The following CDK5 variants were observed in gnomAD, a reference collection of about 807,000 sequenced individuals.
The protein encoded by CDK5 is cyclin dependent kinase 5, also known as cyclin-dependent kinase 5.
Under a neutral mutation model 44.6 loss-of-function variants are expected in CDK5, and 18 were observed. The observed-to-expected ratio is 0.40, with a 90% CI of 0.28 to 0.60. The LOEUF is 0.60. Ranked by LOEUF, CDK5 falls within the 20% of genes least tolerant of loss-of-function variation. CDK5 has a pLI of 0.38. For missense variants in CDK5, 198 were observed against 368.1 expected (o/e 0.54, Z 3.78); for synonymous variants, 143 against 152.8 (o/e 0.94, Z 0.47).
rs1005454280 is a variant in CDK5 at position 151,056,063 on chromosome 7, A to G, written c.313-215T>C. 5.2e-6 allele frequency: 3 copies of G among 581,496 alleles called. No individual in the cohort carries two copies. Among genetic ancestry groups the G allele is most frequent in the Non-Finnish European group, 9.2e-6 (3 of 325,482 alleles). 36.0% of individuals were successfully genotyped at this position (581,496 alleles called of 1,614,324 possible). A position where few individuals can be genotyped will look rare whatever the true frequency, so the allele number is the denominator to read the frequency against. ...AGTAAAGAAGCTGGCTCTGGTCCCC[A>G]CCTTCCTGGACCATACAGCCTAATG... On this transcript the variant is annotated intron_variant, in intron 5 of 11. Coordinates refer to ENST00000485972, the MANE Select transcript of CDK5 (RefSeq NM_004935.4). The surrounding 1 kb of genome is among the most constrained non-coding windows in gnomAD (Gnocchi z 4.7).
chr7:151,055,291 C>A lies in CDK5; in HGVS notation c.566G>T (p.Gly189Val). 1 of 1,613,568 alleles carries A rather than the reference C, an allele frequency of 6.2e-7. No homozygotes were observed. The highest frequency in any genetic ancestry group is 8.5e-7 in the Non-Finnish European group (1 of 1,179,540). ...CAGCACATCACCTGCAAAGATGCAG[C>A]CGGCTGACCACATGTCGATGGACGT... ...YSTSIDMWSA[G>V]CIFAELANAG... Residue 189 changes from glycine to valine, a missense_variant, in exon 8 of 12, where the codon GGC (glycine) becomes GTC (valine). Physicochemically the swap from Gly to Val is moderately radical, Grantham distance 109 (BLOSUM62 -3). Around this residue, in one of 4 missense-constraint regions of CDK5, gnomAD observed 38 missense variants for 115.0 expected, o/e 0.33. Coordinates refer to ENST00000485972, the MANE Select transcript of CDK5 (RefSeq NM_004935.4).
chr7:151,056,507 G>A lies in CDK5; in HGVS notation c.312+73C>T. The A allele has an allele frequency of 7.2e-7, 1 of 1,383,908 alleles. No individual in the cohort carries two copies. The allele number at this position is 1,383,908 out of a possible 1,614,324, so 85.7% of individuals were successfully genotyped here. The stretch of plus-strand genomic sequence containing the variant: ...TCCCTGTTCAGGGCCCAAACTTAGA[G>A]CCCAAGGGGTGCTTACACCGAATGC... On this transcript the variant is annotated intron_variant, in intron 5 of 11. Transcript: ENST00000485972. This position sits in a 1 kb window ranked among gnomAD's most constrained non-coding sequence, Gnocchi z 4.7.
chr7:151,053,988 G>T lies in CDK5; in HGVS notation c.*21C>A. On this transcript the variant is annotated 3_prime_UTR_variant, in exon 12 of 12. Coordinates refer to ENST00000485972, the MANE Select transcript of CDK5 (RefSeq NM_004935.4). ...GCTTAAATAGGCCAGGCCCCAGCCT[G>T]GAGGCCGGGGGTCCCGGGGCCTAGG... is the stretch of plus-strand genomic sequence containing the variant. 6.4e-7 allele frequency: 1 copy of T among 1,563,920 alleles called. No individual in the cohort carries two copies. The highest frequency in any genetic ancestry group is 8.7e-7 in the Non-Finnish European group (1 of 1,153,362).
Position 151,054,923 on chromosome 7 carries a change from C to T in CDK5, c.650+104G>A. 1 of 1,142,234 alleles carries T rather than the reference C, an allele frequency of 8.8e-7. No individual in the cohort carries two copies. The highest frequency in any genetic ancestry group is 1.3e-5 in the South Asian group (1 of 76,612). 70.8% of individuals were successfully genotyped at this position (1,142,234 alleles called of 1,614,324 possible). On this transcript the variant is annotated intron_variant, in intron 9 of 11. Transcript: ENST00000485972. This position sits in a 1 kb window ranked among gnomAD's most constrained non-coding sequence, Gnocchi z 5.7. ...TTGCCCTCAGGAGAAGCCCTACAGA[C>T]CCCATCACCCTACCCCACACCATCA...
chr7:151,055,528 T>G lies in CDK5; in HGVS notation c.483+4A>C. ...CCAATCCCATATCCCATCTTCTAGC[T>G]CACCTCAGCTGAGTAACAGCGGACG... On this transcript the variant is annotated splice_donor_region_variant and intron_variant, in intron 7 of 11. Coordinates refer to ENST00000485972, the MANE Select transcript of CDK5 (RefSeq NM_004935.4). 2 of 1,613,400 alleles carry G rather than the reference T, an allele frequency of 1.2e-6. No homozygotes were observed. The highest frequency in any genetic ancestry group is 1.7e-6 in the Non-Finnish European group (2 of 1,179,576).
Position 151,057,464 on chromosome 7 carries a change from G to A in CDK5, c.38-304C>T, listed in dbSNP as rs1796923333. 3.4e-6 allele frequency: 2 copies of A among 589,516 alleles called. No homozygotes were observed. Among genetic ancestry groups the A allele is most frequent in the Admixed American group, 3.0e-5 (1 of 33,504 alleles). The allele number at this position is 589,516 out of a possible 1,614,324, so 36.5% of individuals were successfully genotyped here. ...GAGGAGGGGTCTGGGAGAGGACTGA[G>A]GGGCTGCAGAAATATTGAGGTTGGA... is the stretch of plus-strand genomic sequence containing the variant. On this transcript the variant is annotated intron_variant, in intron 1 of 11. Coordinates refer to ENST00000485972, the MANE Select transcript of CDK5 (RefSeq NM_004935.4). This position sits in a 1 kb window ranked among gnomAD's most constrained non-coding sequence, Gnocchi z 5.2.
rs1370854540 is a variant in CDK5 at position 151,057,894 on chromosome 7, T to C, written c.-46A>G. 4.5e-6 allele frequency: 7 copies of C among 1,572,682 alleles called. No individual in the cohort carries two copies. The highest frequency in any genetic ancestry group is 2.3e-5 in the East Asian group (1 of 42,852). On this transcript the variant is annotated 5_prime_UTR_variant, in exon 1 of 12. Transcript: ENST00000485972. The surrounding 1 kb of genome is among the most constrained non-coding windows in gnomAD (Gnocchi z 5.2). ...CTGCGGGCCCTCGGTTTTAAGACTC[T>C]GGCCCCGGCGTTGCAGAGGAGGCGG...
Position 151,057,128 on chromosome 7 carries a change from G to A in CDK5, c.70C>T (p.Arg24Trp). 1.2e-6 allele frequency: 2 copies of A among 1,613,964 alleles called. No individual in the cohort carries two copies. Among genetic ancestry groups the A allele is most frequent in the Non-Finnish European group, 8.5e-7 (1 of 1,179,876 alleles). The change falls in exon 2 of 12, where the codon CGG (arginine) becomes TGG (tryptophan). Residue 24 changes from arginine (R) to tryptophan (W), a missense_variant. By Grantham distance (101) the Arg-to-Trp change is moderately radical. Around this residue, in one of 4 missense-constraint regions of CDK5, gnomAD observed 53 missense variants for 122.7 expected, o/e 0.43. Transcript: ENST00000485972. The surrounding 1 kb of genome is among the most constrained non-coding windows in gnomAD (Gnocchi z 5.2). ...AGAGCCACGATCTCATGAGTCTCCCGGTTTTTGGCCTTGAACACAGTTCCG... is the reference window on the plus strand; with the variant it reads ...AGAGCCACGATCTCATGAGTCTCCCAGTTTTTGGCCTTGAACACAGTTCCG... ...TYGTVFKAKNRETHEIVALKR... is the reference protein window; with the variant it reads ...TYGTVFKAKNWETHEIVALKR...
rs887810913 is a variant in CDK5 at position 151,056,052 on chromosome 7, C to T, written c.313-204G>A. 3 of 587,160 alleles carry T rather than the reference C, an allele frequency of 5.1e-6. No individual in the cohort carries two copies. The African/African-American group carries it at 5.6e-5, about 11-fold the overall frequency. 36.4% of individuals were successfully genotyped at this position (587,160 alleles called of 1,614,324 possible). A position where few individuals can be genotyped will look rare whatever the true frequency, so the allele number is the denominator to read the frequency against. On this transcript the variant is annotated intron_variant, in intron 5 of 11. Coordinates refer to ENST00000485972, the MANE Select transcript of CDK5 (RefSeq NM_004935.4). This position sits in a 1 kb window ranked among gnomAD's most constrained non-coding sequence, Gnocchi z 4.7. ...AGAGGGACCAAAGTAAAGAAGCTGG[C>T]TCTGGTCCCCACCTTCCTGGACCAT...
In CDK5 at chr7:151,057,124, T is replaced by C; in HGVS notation, c.74A>G (p.Glu25Gly). 1 of 1,613,910 alleles carries C rather than the reference T, an allele frequency of 6.2e-7. No individual in the cohort carries two copies. Among genetic ancestry groups the C allele is most frequent in the Non-Finnish European group, 8.5e-7 (1 of 1,179,864 alleles). ...YGTVFKAKNR[E>G]THEIVALKRV... ...TTTCAGAGCCACGATCTCATGAGTC[T>C]CCCGGTTTTTGGCCTTGAACACAGT... Residue 25 changes from glutamate (E) to glycine (G), a missense_variant, in exon 2 of 12, where the codon GAG becomes GGG. By Grantham distance (98) the Glu-to-Gly change is moderately conservative. This residue lies in a region of CDK5 where 53 missense variants were observed against 122.7 expected (regional missense o/e 0.43). Transcript: ENST00000485972. The surrounding 1 kb of genome is among the most constrained non-coding windows in gnomAD (Gnocchi z 5.2).
In CDK5 at chr7:151,057,575, C is replaced by T. The variant is rs1429838833; in HGVS notation, c.37+237G>A. 6.5e-6 allele frequency: 4 copies of T among 615,770 alleles called. No individual in the cohort carries two copies. The highest frequency in any genetic ancestry group is 8.7e-6 in the Non-Finnish European group (3 of 346,130). The allele number at this position is 615,770 out of a possible 1,614,324, so 38.1% of individuals were successfully genotyped here. ...TGGGGTGAGAAATTTCAGGAAGTGT[C>T]GCGGTTGGGAGGTCGGGTCTACTGG... On this transcript the variant is annotated intron_variant, in intron 1 of 11. Transcript: ENST00000485972. The surrounding 1 kb of genome is among the most constrained non-coding windows in gnomAD (Gnocchi z 5.2).
intron 7 of CDK5, 72 bp downstream of exon 7, chr7:151,055,460 T>C: frequency 4.5e-6 from 7 of 1,565,654 alleles, no homozygotes; most frequent in Non-Finnish European, 6.2e-6. Flanking sequence ...GAGAGGAAAA[T>C]AATGTTTTGG....
chr7:151,053,877 C>T lies in CDK5; in HGVS notation c.*132G>A. 2.8e-6 allele frequency: 2 copies of T among 714,518 alleles called. No homozygotes were observed. Among genetic ancestry groups the T allele is most frequent in the Middle Eastern group, 8.0e-4 (2 of 2,508 alleles). 44.3% of individuals were successfully genotyped at this position (714,518 alleles called of 1,614,324 possible). ...CCACAAAGGGAGTGAGAAATTCGGG[C>T]TCAGGCACCCCACCCCGGCTGGGCC... On this transcript the variant is annotated 3_prime_UTR_variant, in exon 12 of 12. Transcript: ENST00000485972.
chr7:151,054,438 C>G lies in CDK5; in HGVS notation c.678G>C (p.Gln226His). 6.2e-7 allele frequency: 1 copy of G among 1,613,442 alleles called. No individual in the cohort carries two copies. Among genetic ancestry groups the G allele is most frequent in the Non-Finnish European group, 8.5e-7 (1 of 1,179,558 alleles). Residue 226 changes from glutamine to histidine, a missense_variant, in exon 10 of 12, where the codon CAG becomes CAC. Coordinates refer to ENST00000485972, the MANE Select transcript of CDK5 (RefSeq NM_004935.4). This position sits in a 1 kb window ranked among gnomAD's most constrained non-coding sequence, Gnocchi z 5.7. ...FRLLGTPTEEQWPSMTKLPDY... is the reference protein window; with the variant it reads ...FRLLGTPTEEHWPSMTKLPDY... ...CTGGCAGCTTGGTCATAGAGGGCCA[C>G]TGCTCCTCGGTGGGCGTCCCCAGCA...
Position 151,054,498 on chromosome 7 carries a change from G to T in CDK5, c.651-33C>A, listed in dbSNP as rs758217657. The T allele has an allele frequency of 6.3e-7, 1 of 1,592,134 alleles. No homozygotes were observed. The highest frequency in any genetic ancestry group is 8.6e-7 in the Non-Finnish European group (1 of 1,165,598). On this transcript the variant is annotated intron_variant, in intron 9 of 11. Transcript: ENST00000485972. This position sits in a 1 kb window ranked among gnomAD's most constrained non-coding sequence, Gnocchi z 5.7. ...CGGAGTCAAGGATCACTTGGGAAAGGGCCACAGCTGCATCTTCAGGGGCAG... is the reference window on the plus strand; with the variant it reads ...CGGAGTCAAGGATCACTTGGGAAAGTGCCACAGCTGCATCTTCAGGGGCAG...
At position 151,055,155 on chromosome 7, in the gene CDK5, C is replaced by A. The variant is rs1436374010; in HGVS notation, c.581-59G>T. 6 of 1,576,988 alleles carry A rather than the reference C, an allele frequency of 3.8e-6. No homozygotes were observed. The Admixed American group carries it at 5.1e-5, about 13-fold the overall frequency. The stretch of plus-strand genomic sequence containing the variant: ...GTGAAGGACCCCTCACTCTGAGGTA[C>A]CCCCTGACCTTCCAGCTCCAGTCCC... On this transcript the variant is annotated intron_variant, in intron 8 of 11. Coordinates refer to ENST00000485972, the MANE Select transcript of CDK5 (RefSeq NM_004935.4).
In CDK5 at chr7:151,056,251, C is replaced by G; in HGVS notation, c.312+329G>C. On this transcript the variant is annotated intron_variant, in intron 5 of 11. Coordinates refer to ENST00000485972, the MANE Select transcript of CDK5 (RefSeq NM_004935.4). This position sits in a 1 kb window ranked among gnomAD's most constrained non-coding sequence, Gnocchi z 4.7. ...TGGAACCTGGACCAAGGCATTTGGT[C>G]TTGGGCCTAGAAAAGCACCTGGCAC... 1 of 535,844 alleles carries G rather than the reference C, an allele frequency of 1.9e-6. No individual in the cohort carries two copies. The highest frequency in any genetic ancestry group is 2.4e-5 in the South Asian group (1 of 41,772). 33.2% of individuals were successfully genotyped at this position (535,844 alleles called of 1,614,324 possible).
Position 151,056,853 on chromosome 7 carries a change from G to GC in CDK5, c.194+54dup, listed in dbSNP as rs1371028560. ...TCCGCCTGACAGACGTCCAGTGTCA[G>GC]CCCCCGCCTCCCCCAAGCGGCCACA... On this transcript the variant is annotated intron_variant, in intron 3 of 11. Transcript: ENST00000485972. The surrounding 1 kb of genome is among the most constrained non-coding windows in gnomAD (Gnocchi z 4.7). 37 of 1,592,958 alleles carry GC rather than the reference G, an allele frequency of 2.3e-5. No individual in the cohort carries two copies. Among genetic ancestry groups the GC allele is most frequent in the South Asian group, 1.1e-5 (1 of 88,958 alleles).
At chr7:151,055,221 C>G (rs1272925207) in intron 8 of CDK5, 56 bp downstream of exon 8, 5 of 1,578,812 alleles carry the variant, frequency 3.2e-6, no homozygotes, top group African/African-American at 1.3e-5. Flanking sequence ...CCTCCAGACC[C>G]TATTTGTCAA....
Sources: gnomAD v4.1 joint callset for allele counts on GRCh38, gnomAD v4.1.1 for gene constraint, gnomAD v4.1.1 regional missense constraint, Gnocchi (gnomAD v3.1) non-coding constraint, MANE v1.5 for transcripts, NCBI Gene and HGNC (gene_info 2026-07-23, HGNC 2026-07-21) for gene names.